Variants in RNF145 observed in about 807,000 individuals in gnomAD.
RNF145 encodes ring finger protein 145.
Under a neutral mutation model 57.3 loss-of-function variants are expected in RNF145, and 12 were observed. The ratio of observed to expected loss-of-function variants is 0.21; its 90% CI spans 0.13 to 0.34. RNF145 has a LOEUF of 0.34. RNF145 is among the 10% of genes least tolerant of loss of function. RNF145 has a pLI of 1.00. For synonymous variants in RNF145, 262 were observed against 288.3 expected, an observed-to-expected ratio of 0.91 and a Z score of 0.92; for missense variants, 429 against 799.0, an observed-to-expected ratio of 0.54 and a Z score of 5.58.
chr5:159,209,220 G>T lies in RNF145; in HGVS notation c.-40+11C>A, dbSNP rs958719626. 2.0e-6 allele frequency: 2 copies of T among 982,570 alleles called. No homozygotes were observed. The highest frequency in any genetic ancestry group is 4.7e-5 in the South Asian group (1 of 21,248). The allele number at this position is 982,570 out of a possible 1,614,324, so 60.9% of individuals were successfully genotyped here. On this transcript the variant is annotated intron_variant, in intron 1 of 10. Coordinates refer to ENST00000424310, the MANE Select transcript of RNF145 (RefSeq NM_001199383.2). ...GGGGATGGGAAGGGGCCGGGCGGGC[G>T]GCGTGGTCACCTCAGGCTGCGGACT...
At chr5:159,170,130 C>T (rs895978400) in intron 6 of RNF145, among the ~76,000 whole-genome samples, 13 of 152,192 alleles carry the variant, frequency 8.5e-5, no homozygotes, top group Admixed American at 7.9e-4. Flanking sequence ...AATTAGCATG[C>T]TGACAAGTAT....
intron 10 of RNF145, among the ~76,000 whole-genome samples, chr5:159,160,966 G>C (rs566943408): frequency 6.6e-6 from 1 of 152,168 alleles, no homozygotes; most frequent in Non-Finnish European, 1.5e-5. Flanking sequence ...AATAGTCCGT[G>C]TGAGTGTGTA....
intron 6 of RNF145, among the ~76,000 whole-genome samples, chr5:159,170,557 A>T (rs1333199326): frequency 1.3e-5 from 2 of 152,156 alleles, no homozygotes; most frequent in African/African-American, 4.8e-5. Context: ...ACTATTATGT[A>T]CTGAGATAGA....
intron 2 of RNF145, among the ~76,000 whole-genome samples, chr5:159,200,342 TAA>T (rs535928132): frequency 2.4e-4 from 36 of 151,514 alleles, no homozygotes; most frequent in African/African-American, 8.7e-4. Flanking sequence ...CCTCAACAAA[TAA>T]GACAGCGTGT....
intron 10 of RNF145, among the ~76,000 whole-genome samples, chr5:159,160,109 C>T (rs1296622822): frequency 1.3e-5 from 2 of 152,026 alleles, no homozygotes; most frequent in Non-Finnish European, 2.9e-5. Context: ...CAGACATCAG[C>T]GGCTGAAGCT....
chr5:159,178,204 TTAAAAA>T (rs912547144), intron 4 of RNF145, among the ~76,000 whole-genome samples: 4 of 151,942 alleles, frequency 2.6e-5, no homozygotes, highest in African/African-American at 9.7e-5. Context: ...TAATTTTAAC[TTAAAAA>T]TTAATACATT....
intron 3 of RNF145, among the ~76,000 whole-genome samples, chr5:159,182,831 C>T (rs978062168): frequency 6.6e-6 from 1 of 151,952 alleles, no homozygotes. Context: ...TTTTTGGCAT[C>T]AAAGAAGGGA....
intron 3 of RNF145, among the ~76,000 whole-genome samples, chr5:159,188,384 ACT>A (rs1282164634): frequency 6.6e-6 from 1 of 150,600 alleles, no homozygotes; most frequent in Non-Finnish European, 1.5e-5. Flanking sequence ...ACAGAGCAAG[ACT>A]CTGTCTCAAA....
At chr5:159,176,260 AC>A (rs1193895743) in intron 5 of RNF145, among the ~76,000 whole-genome samples, 1 of 152,124 alleles carries the variant, frequency 6.6e-6, no homozygotes, top group African/African-American at 2.4e-5. Context: ...CACATATGGA[AC>A]ATTGTCTGCC....
chr5:159,181,918 G>C, intron 4 of RNF145, 42 bp downstream of exon 4: 1 of 1,121,478 alleles, frequency 8.9e-7, no homozygotes, highest in Non-Finnish European at 1.3e-6. Context: ...TAGTAAGACT[G>C]GTCGGTTCCT....
intron 2 of RNF145, among the ~76,000 whole-genome samples, chr5:159,199,113 T>C (rs1785574500): frequency 1.3e-5 from 2 of 152,190 alleles, no homozygotes; most frequent in African/African-American, 4.8e-5. Context: ...TAGATAAGCA[T>C]ATGGACCCTT....
intron 9 of RNF145, among the ~76,000 whole-genome samples, chr5:159,162,427 T>TTC (rs1447158450): frequency 1.8e-4 from 11 of 62,080 alleles, no homozygotes; most frequent in African/African-American, 9.6e-4. Flanking sequence ...AATATTTTCT[T>TTC]TTTTTTTTTT....
intron 1 of RNF145, among the ~76,000 whole-genome samples, chr5:159,208,953 G>A (rs1401191340): frequency 6.6e-6 from 1 of 151,716 alleles, no homozygotes; most frequent in Non-Finnish European, 1.5e-5. Flanking sequence ...TGGAACAGAG[G>A]GGGCTTTGCG....
At chr5:159,203,152 T>C (rs1785731087) in intron 2 of RNF145, among the ~76,000 whole-genome samples, 1 of 152,178 alleles carries the variant, frequency 6.6e-6, no homozygotes, top group Non-Finnish European at 1.5e-5. Flanking sequence ...TCTAAAAGTA[T>C]TTCTCATTGT....
intron 6 of RNF145, among the ~76,000 whole-genome samples, chr5:159,172,907 A>G (rs1784602073): frequency 6.6e-6 from 1 of 152,248 alleles, no homozygotes; most frequent in South Asian, 2.1e-4. Context: ...ATAGGAGGAC[A>G]GATTTTCATC....
chr5:159,209,313 C>G lies in RNF145; in HGVS notation c.-122G>C. ...CTCCCCGGCTCTCTCGCCCGCCCTCCCGTTCTCCTCGGGCGGCGGCGGGGG... is the reference window on the plus strand; with the variant it reads ...CTCCCCGGCTCTCTCGCCCGCCCTCGCGTTCTCCTCGGGCGGCGGCGGGGG... On this transcript the variant is annotated 5_prime_UTR_variant, in exon 1 of 11. Coordinates refer to ENST00000424310, the MANE Select transcript of RNF145 (RefSeq NM_001199383.2). 1.0e-6 allele frequency: 1 copy of G among 985,674 alleles called. No homozygotes were observed. Among genetic ancestry groups the G allele is most frequent in the South Asian group, 4.7e-5 (1 of 21,466 alleles). 61.1% of individuals were successfully genotyped at this position (985,674 alleles called of 1,614,324 possible).
At chr5:159,200,374 A>G (rs555349724) in intron 2 of RNF145, among the ~76,000 whole-genome samples, 1 of 152,352 alleles carries the variant, frequency 6.6e-6, no homozygotes, top group South Asian at 2.1e-4. Flanking sequence ...ACAAACAGGC[A>G]GACAGACTAA....
rs1784112255 is a variant in RNF145 at position 159,158,532 on chromosome 5, T to C, written c.*138A>G. ...GAAAGCAGGTGGTCCCCACTGAGAG[T>C]ACTTCCTGGATTAGATCCTTGGAAT... On this transcript the variant is annotated 3_prime_UTR_variant, in exon 11 of 11. Coordinates refer to ENST00000424310, the MANE Select transcript of RNF145 (RefSeq NM_001199383.2). 2 of 1,114,926 alleles carry C rather than the reference T, an allele frequency of 1.8e-6. No individual in the cohort carries two copies. Among genetic ancestry groups the C allele is most frequent in the Non-Finnish European group, 2.5e-6 (2 of 787,160 alleles). 69.1% of individuals were successfully genotyped at this position (1,114,926 alleles called of 1,614,324 possible). A position where few individuals can be genotyped will look rare whatever the true frequency, so the allele number is the denominator to read the frequency against.
intron 3 of RNF145, among the ~76,000 whole-genome samples, chr5:159,184,470 G>A (rs1031395417): frequency 1.3e-5 from 2 of 152,186 alleles, no homozygotes; most frequent in South Asian, 4.1e-4. Flanking sequence ...TATAAACAGG[G>A]AGGGGAGATA....
Sources: allele counts gnomAD v4.1 joint callset (sites outside exome capture counted in the v4.1 genomes callset), GRCh38; gene constraint gnomAD v4.1.1; transcripts MANE v1.5; gene names NCBI Gene and HGNC (gene_info 2026-07-23, HGNC 2026-07-21).